The following ENTPD6 variants were observed in gnomAD, a reference collection of about 807,000 sequenced individuals.
ENTPD6 encodes CD39 antigen-like 2.
ENTPD6 carries 46 observed loss-of-function variants against 61.5 expected under a neutral mutation model. That is an observed-to-expected ratio of 0.75 (90% CI 0.59 to 0.96). The LOEUF is 0.96. Among genes scored for constraint, ENTPD6 ranks in the 40% least tolerant of loss-of-function variants. ENTPD6 has a pLI of 0.00. For missense variants in ENTPD6, 612 were observed against 629.0 expected (o/e 0.97, Z 0.29); for synonymous variants, 252 against 255.5 (o/e 0.99, Z 0.13).
Position 25,225,204 on chromosome 20 carries a change from G to A in ENTPD6, c.1244-1G>A. 1 of 1,611,726 alleles carries A rather than the reference G, an allele frequency of 6.2e-7. No homozygotes were observed. The highest frequency in any genetic ancestry group is 1.1e-5 in the South Asian group (1 of 90,556). On this transcript the variant is annotated splice_acceptor_variant, in intron 13 of 14. Coordinates refer to ENST00000376652, the MANE Select transcript of ENTPD6 (RefSeq NM_001247.5). LOFTEE classifies it high-confidence loss of function. ...CGTGAAGGGACGTGTCTCATCCCCA[G>A]TGTGTCGGACCCTGGAGACACAGCC...
intron 10 of ENTPD6, among the ~76,000 whole-genome samples, chr20:25,219,156 C>T (rs2092512862): frequency 6.6e-6 from 1 of 152,206 alleles, no homozygotes; most frequent in South Asian, 2.1e-4. Context: ...GCTGGGATTA[C>T]AGGCATGAGC....
At chr20:25,223,533 G>C (rs1056115827) in intron 12 of ENTPD6, among the ~76,000 whole-genome samples, 1 of 152,134 alleles carries the variant, frequency 6.6e-6, no homozygotes, top group Non-Finnish European at 1.5e-5. Flanking sequence ...GTACGGATAA[G>C]AACACTACTG....
chr20:25,207,190 G>A lies in ENTPD6; in HGVS notation c.169G>A (p.Val57Ile). The A allele has an allele frequency of 1.9e-6, 3 of 1,614,144 alleles. No homozygotes were observed. The highest frequency in any genetic ancestry group is 2.5e-6 in the Non-Finnish European group (3 of 1,180,022). ...LGLCVGVFIY[V>I]AYIKWHRATA... ...GCTGTGTGTGGGCGTGTTCATCTAT[G>A]TTGCCTACATCAAGTGGCACCGGGC... is the stretch of plus-strand genomic sequence containing the variant. Residue 57 changes from valine (V) to isoleucine (I), a missense_variant, in exon 3 of 15, where the codon GTT becomes ATT. Coordinates refer to ENST00000376652, the MANE Select transcript of ENTPD6 (RefSeq NM_001247.5).
rs2091518859 is a variant in ENTPD6 at position 25,206,601 on chromosome 20, G to T, written c.54+11G>T. Reference sequence around the variant, plus strand: ...AGCTACATTTTTCAGGTTTGTCTGGGGCTCTCAGTAGTTGCCCAAGGGACG... The same window carrying T: ...AGCTACATTTTTCAGGTTTGTCTGGTGCTCTCAGTAGTTGCCCAAGGGACG... On this transcript the variant is annotated intron_variant, in intron 2 of 14. Transcript: ENST00000376652. 1.9e-6 allele frequency: 3 copies of T among 1,605,094 alleles called. No individual in the cohort carries two copies. The East Asian group carries it at 6.7e-5, about 36-fold the overall frequency.
At chr20:25,198,281 G>A (rs922316641) in intron 1 of ENTPD6, among the ~76,000 whole-genome samples, 6 of 152,172 alleles carry the variant, frequency 3.9e-5, no homozygotes, top group African/African-American at 1.4e-4. Flanking sequence ...TTCGAGACCA[G>A]CCTGGCCAAC....
intron 1 of ENTPD6, among the ~76,000 whole-genome samples, chr20:25,205,511 AGCAGGGACAGGGGCCG>A (rs2091409009): frequency 9.8e-6 from 1 of 101,904 alleles, no homozygotes; most frequent in Non-Finnish European, 2.7e-5. Context: ...CACAGGGGCC[AGCAGGGACAGGGGCCG>A]GCAGGGACAG....
chr20:25,225,644 T>A lies in ENTPD6; in HGVS notation c.*47T>A, dbSNP rs766269868. On this transcript the variant is annotated 3_prime_UTR_variant, in exon 15 of 15. Coordinates refer to ENST00000376652, the MANE Select transcript of ENTPD6 (RefSeq NM_001247.5). ...CGTCAGCAGTGTCTGTGTGTCTGCATAAACCCTCCTGTCCTGGACGTGACT... is the reference window on the plus strand; with the variant it reads ...CGTCAGCAGTGTCTGTGTGTCTGCAAAAACCCTCCTGTCCTGGACGTGACT... The A allele has an allele frequency of 6.6e-7, 1 of 1,506,718 alleles. No homozygotes were observed. The highest frequency in any genetic ancestry group is 9.2e-7 in the Non-Finnish European group (1 of 1,088,084). 93.3% of individuals were successfully genotyped at this position (1,506,718 alleles called of 1,614,324 possible). A position where few individuals can be genotyped will look rare whatever the true frequency, so the allele number is the denominator to read the frequency against.
At chr20:25,220,013 T>A (rs2092559733) in intron 10 of ENTPD6, among the ~76,000 whole-genome samples, 1 of 152,202 alleles carries the variant, frequency 6.6e-6, no homozygotes, top group Admixed American at 6.5e-5. Flanking sequence ...CCTTTGTGGT[T>A]CCCAGGGAGT....
chr20:25,207,299 C>T lies in ENTPD6; in HGVS notation c.278C>T (p.Thr93Ile). 2 of 1,607,354 alleles carry T rather than the reference C, an allele frequency of 1.2e-6. No individual in the cohort carries two copies. The highest frequency in any genetic ancestry group is 1.7e-6 in the Non-Finnish European group (2 of 1,175,020). Residue 93 changes from threonine to isoleucine, a missense_variant, in exon 3 of 15, where the codon ACA becomes ATA. Physicochemically the swap from Thr to Ile is moderately conservative, Grantham distance 89. Transcript: ENST00000376652. ...CAGCAGGCCCACAGCCCCCTGGGGACAGCTGCAGACGGGCACGAGGTCTTC... is the reference window on the plus strand; with the variant it reads ...CAGCAGGCCCACAGCCCCCTGGGGATAGCTGCAGACGGGCACGAGGTCTTC... ...WGQQAHSPLGTAADGHEVFYG... is the reference protein window; with the variant it reads ...WGQQAHSPLGIAADGHEVFYG...
chr20:25,198,705 C>T (rs1448135563), intron 1 of ENTPD6, among the ~76,000 whole-genome samples: 2 of 152,098 alleles, frequency 1.3e-5, no homozygotes, highest in Non-Finnish European at 2.9e-5. Flanking sequence ...ATGGGAGGTG[C>T]TACTTTGGAA....
intron 10 of ENTPD6, 129 bp from the exon 11 acceptor site, chr20:25,221,103 A>G: frequency 3.0e-6 from 2 of 661,816 alleles, no homozygotes; most frequent in Non-Finnish European, 2.6e-6. Context: ...TTGCCTTCCC[A>G]GTGGACCTGG....
Position 25,207,414 on chromosome 20 carries a change from G to T in ENTPD6, c.376+17G>T. ...CCCCCAGAGGTACCCGCCTCTCATG[G>T]CAGGGCTCTCGGGATCTCCTCCCCT... On this transcript the variant is annotated intron_variant, in intron 3 of 14. Coordinates refer to ENST00000376652, the MANE Select transcript of ENTPD6 (RefSeq NM_001247.5). 6.6e-7 allele frequency: 1 copy of T among 1,514,300 alleles called. No homozygotes were observed. The highest frequency in any genetic ancestry group is 2.3e-5 in the East Asian group (1 of 43,758). 93.8% of individuals were successfully genotyped at this position (1,514,300 alleles called of 1,614,324 possible). A position where few individuals can be genotyped will look rare whatever the true frequency, so the allele number is the denominator to read the frequency against.
At position 25,225,309 on chromosome 20, in the gene ENTPD6, G is replaced by A. The variant is rs775848233; in HGVS notation, c.1348G>A (p.Val450Met). Residue 450 changes from valine (V) to methionine (M), a missense_variant, in exon 14 of 15, where the codon GTG (valine) becomes ATG (methionine). Coordinates refer to ENST00000376652, the MANE Select transcript of ENTPD6 (RefSeq NM_001247.5). Reference protein sequence around the residue: ...LQEFGFPRSKVLKLTRKIDNV... With the variant: ...LQEFGFPRSKMLKLTRKIDNV... Reference sequence around the variant, plus strand: ...GGAGTTCGGCTTTCCCAGGAGCAAAGTGCTGAAGGTAAGGGTGCCCTCAGG... The same window carrying A: ...GGAGTTCGGCTTTCCCAGGAGCAAAATGCTGAAGGTAAGGGTGCCCTCAGG... 7.4e-6 allele frequency: 12 copies of A among 1,612,938 alleles called. No individual in the cohort carries two copies. The South Asian group carries it at 1.1e-4, about 15-fold the overall frequency.
At chr20:25,215,845 G>C (rs1600623736) in intron 7 of ENTPD6, 134 bp downstream of exon 7, 1 of 945,044 alleles carries the variant, frequency 1.1e-6, no homozygotes. Flanking sequence ...GTTGCTGACT[G>C]ACCATAGGGT....
chr20:25,218,630 GC>G lies in ENTPD6; in HGVS notation c.943+20del. ...GGGCAGCCTGGTGAGTGGACATGTT[GC>G]CCCGGGCCCACTTTCACAGCCTCTG... On this transcript the variant is annotated intron_variant, in intron 10 of 14. Coordinates refer to ENST00000376652, the MANE Select transcript of ENTPD6 (RefSeq NM_001247.5). 2 of 1,589,150 alleles carry G rather than the reference GC, an allele frequency of 1.3e-6. No individual in the cohort carries two copies. Among genetic ancestry groups the G allele is most frequent in the Non-Finnish European group, 8.5e-7 (1 of 1,170,484 alleles).
chr20:25,197,409 C>T (rs1345059400), intron 1 of ENTPD6, among the ~76,000 whole-genome samples: 1 of 152,186 alleles, frequency 6.6e-6, no homozygotes, highest in African/African-American at 2.4e-5. Context: ...CCCTGCCTTC[C>T]CTCAGTCCCC....
rs779492843 is a variant in ENTPD6, at chr20:25,218,638, C to T, written c.943+24C>T. The T allele has an allele frequency of 3.2e-6, 5 of 1,579,822 alleles. No homozygotes were observed. The East Asian group carries it at 9.1e-5, about 29-fold the overall frequency. On this transcript the variant is annotated intron_variant, in intron 10 of 14. Transcript: ENST00000376652. ...TGGTGAGTGGACATGTTGCCCCGGG[C>T]CCACTTTCACAGCCTCTGCCCTCCA...
rs1337470188 is a variant in ENTPD6, at chr20:25,211,778, C to T, written c.454-1485C>T. The stretch of plus-strand genomic sequence containing the variant: ...TGCACCTGACACATACTTCATTACC[C>T]ACACATGCAAGGGGCATCGCTCAGA... On this transcript the variant is annotated intron_variant, in intron 4 of 14. Transcript: ENST00000376652. Among the ~76,000 whole-genome samples the T allele has an allele frequency of 4.6e-5, 7 of 152,162 alleles. No individual in the cohort carries two copies. In the South Asian group the frequency reaches 1.2e-3, roughly 27 times the overall value.
intron 1 of ENTPD6, 94 bp from the exon 2 acceptor site, chr20:25,206,428 C>A: frequency 4.0e-6 from 4 of 990,050 alleles, no homozygotes; most frequent in Non-Finnish European, 6.4e-6. Context: ...GTATATCGAA[C>A]CAAAAACAAT....
Sources: gnomAD v4.1 joint callset for allele counts (sites outside exome capture counted in the v4.1 genomes callset) on GRCh38, gnomAD v4.1.1 for gene constraint, MANE v1.5 for transcripts, NCBI Gene and HGNC (gene_info 2026-07-23, HGNC 2026-07-21) for gene names.